KIAA0825: variants seen among roughly 807,000 people sequenced by gnomAD.
KIAA0825 encodes uncharacterized protein KIAA0825.
Under a neutral mutation model 147.6 loss-of-function variants are expected in KIAA0825, and 119 were observed. The observed-to-expected ratio is 0.81, with a 90% CI of 0.69 to 0.94. The LOEUF is 0.94. KIAA0825 is among the 40% of genes least tolerant of loss of function. The pLI, the probability that KIAA0825 is intolerant of heterozygous loss-of-function variation, is 0.00. For synonymous variants in KIAA0825, 470 were observed against 518.1 expected (o/e 0.91, Z 1.26); for missense variants, 1,381 against 1,472.7 (o/e 0.94, Z 1.02).
chr5:94,223,824 C>T (rs571046829), intron 20 of KIAA0825, among the ~76,000 whole-genome samples: 18 of 152,092 alleles, frequency 1.2e-4, no homozygotes, highest in Admixed American at 5.2e-4. Flanking sequence ...TGAATGTTTT[C>T]TAATGGAAGA....
intron 20 of KIAA0825, among the ~76,000 whole-genome samples, chr5:94,364,023 C>T (rs1745447734): frequency 6.6e-6 from 1 of 151,950 alleles, no homozygotes; most frequent in African/African-American, 2.4e-5. Flanking sequence ...CATGCTTTCA[C>T]CACTGTGCTT....
intron 2 of KIAA0825, among the ~76,000 whole-genome samples, chr5:94,576,203 T>G (rs960996620): frequency 6.6e-6 from 1 of 152,164 alleles, no homozygotes; most frequent in African/African-American, 2.4e-5. Flanking sequence ...CCTTAACATA[T>G]ATACAAAATA....
intron 20 of KIAA0825, among the ~76,000 whole-genome samples, chr5:94,364,290 ACAGT>A (rs1745498554): frequency 6.6e-6 from 1 of 151,800 alleles, no homozygotes; most frequent in Admixed American, 6.6e-5. Flanking sequence ...GGGGGTGATG[ACAGT>A]CAGTGCAAGC....
chr5:94,328,700 T>C (rs543733257), intron 20 of KIAA0825, among the ~76,000 whole-genome samples: 42 of 152,110 alleles, frequency 2.8e-4, no homozygotes, highest in African/African-American at 1.0e-3. Context: ...TTTAGTCAAA[T>C]ACCATTCTCC....
At chr5:94,612,301 G>C (rs1406741506) in intron 1 of KIAA0825, among the ~76,000 whole-genome samples, 1 of 152,146 alleles carries the variant, frequency 6.6e-6, no homozygotes, top group Non-Finnish European at 1.5e-5. Context: ...GACAACTGTT[G>C]ATCATTTTTA....
intron 20 of KIAA0825, among the ~76,000 whole-genome samples, chr5:94,296,347 G>C (rs958701180): frequency 2.6e-5 from 4 of 152,106 alleles, no homozygotes; most frequent in African/African-American, 7.2e-5. Flanking sequence ...TGGGCTCCGT[G>C]GGGGTGGGAT....
At chr5:94,448,364 A>G (rs982191976) in intron 13 of KIAA0825, among the ~76,000 whole-genome samples, 1 of 151,922 alleles carries the variant, frequency 6.6e-6, no homozygotes, top group Non-Finnish European at 1.5e-5. Context: ...AGTTTTCTCT[A>G]GTAAGATTAT....
In KIAA0825 at chr5:94,511,099, C is replaced by G. The variant is rs1279910332; in HGVS notation, c.970+9149G>C. On this transcript the variant is annotated intron_variant, in intron 5 of 20. Transcript: ENST00000682413. The stretch of plus-strand genomic sequence containing the variant: ...AGAGACCACAGAGAACTCCCTTGCC[C>G]CTTCTACCACATGAGGACACAGAGA... Among the ~76,000 whole-genome samples, 5 of 152,182 alleles carry G rather than the reference C, an allele frequency of 3.3e-5. No individual in the cohort carries two copies. The South Asian group carries it at 8.3e-4, about 25-fold the overall frequency.
intron 1 of KIAA0825, among the ~76,000 whole-genome samples, chr5:94,608,067 C>T (rs1330553304): frequency 6.6e-6 from 1 of 151,816 alleles, no homozygotes; most frequent in Non-Finnish European, 1.5e-5. Context: ...CATTTGTAAC[C>T]TTAATTCCCC....
chr5:94,411,341 A>G (rs1384771490), intron 15 of KIAA0825, among the ~76,000 whole-genome samples: 1 of 152,218 alleles, frequency 6.6e-6, no homozygotes, highest in African/African-American at 2.4e-5. Flanking sequence ...ATAAACCTAT[A>G]GTGCCAAGTA....
Position 94,484,899 on chromosome 5 carries a change from G to GTT in KIAA0825, c.1000_1001dup (p.Asn334LysfsTer7). 2 of 1,522,504 alleles carry GTT rather than the reference G, an allele frequency of 1.3e-6. No homozygotes were observed. The highest frequency in any genetic ancestry group is 1.8e-6 in the Non-Finnish European group (2 of 1,127,416). 94.3% of individuals were successfully genotyped at this position (1,522,504 alleles called of 1,614,324 possible). On this transcript the variant is annotated frameshift_variant, in exon 6 of 21. Coordinates refer to ENST00000682413, the MANE Select transcript of KIAA0825 (RefSeq NM_001145678.3). LOFTEE classifies it high-confidence loss of function. ...CGACTTTGTCTAAAGGGAGAGAGAAGTTTCTTCCTTTCTGTGGGCATTCAG... is the reference window on the plus strand; with the variant it reads ...CGACTTTGTCTAAAGGGAGAGAGAAGTTTTTCTTCCTTTCTGTGGGCATTCAG...
intron 20 of KIAA0825, among the ~76,000 whole-genome samples, chr5:94,300,678 C>T (rs1160653655): frequency 1.3e-5 from 2 of 152,030 alleles, no homozygotes; most frequent in Non-Finnish European, 1.5e-5. Flanking sequence ...AAGAATGAAG[C>T]TCAAAGGCTA....
intron 20 of KIAA0825, among the ~76,000 whole-genome samples, chr5:94,356,944 C>T (rs1562411669): frequency 6.6e-6 from 1 of 151,876 alleles, no homozygotes; most frequent in African/African-American, 2.4e-5. Flanking sequence ...AGTATGGTCT[C>T]AATCTCCTGA....
intron 16 of KIAA0825, among the ~76,000 whole-genome samples, chr5:94,399,363 C>T (rs1160019218): frequency 6.6e-6 from 1 of 152,058 alleles, no homozygotes; most frequent in East Asian, 1.9e-4. Flanking sequence ...AAATATTTGA[C>T]AAGCTAAGTA....
intron 20 of KIAA0825, among the ~76,000 whole-genome samples, chr5:94,212,521 T>C (rs993065225): frequency 6.6e-6 from 1 of 152,130 alleles, no homozygotes; most frequent in African/African-American, 2.4e-5. Context: ...CATGAGGCTA[T>C]TAGGAGACAG....
At chr5:94,488,249 A>C (rs1250290568) in intron 5 of KIAA0825, among the ~76,000 whole-genome samples, 1 of 152,096 alleles carries the variant, frequency 6.6e-6, no homozygotes, top group African/African-American at 2.4e-5. Context: ...CACTAAGACA[A>C]CCTGGCCTTT....
At chr5:94,354,606 T>G (rs1784047102) in intron 20 of KIAA0825, among the ~76,000 whole-genome samples, 1 of 152,206 alleles carries the variant, frequency 6.6e-6, no homozygotes, top group African/African-American at 2.4e-5. Flanking sequence ...TTATTTAGCT[T>G]ACGCTGTAAT....
intron 20 of KIAA0825, among the ~76,000 whole-genome samples, chr5:94,188,339 A>G (rs1456295289): frequency 6.6e-6 from 1 of 152,190 alleles, no homozygotes; most frequent in Non-Finnish European, 1.5e-5. Flanking sequence ...GGACCTCTCT[A>G]TTTGATGAAG....
At chr5:94,592,919 A>T in intron 1 of KIAA0825, 1 of 575,012 alleles carries the variant, frequency 1.7e-6, no homozygotes, top group Non-Finnish European at 3.3e-6. Context: ...GATGAGGAGC[A>T]AATATTTGAT....
Sources: allele counts gnomAD v4.1 joint callset (sites outside exome capture counted in the v4.1 genomes callset), GRCh38; gene constraint gnomAD v4.1.1; transcripts MANE v1.5; gene names NCBI Gene and HGNC (gene_info 2026-07-23, HGNC 2026-07-21).